The following MYL12A variants were observed in gnomAD, a reference collection of about 807,000 sequenced individuals.
MYL12A encodes the protein myosin light chain 12A.
In MYL12A, 11 loss-of-function variants were observed where a neutral mutation model predicts 13.3. The ratio of observed to expected loss-of-function variants is 0.83; its 90% CI spans 0.52 to 1.37. The LOEUF (loss-of-function observed/expected upper bound fraction) is 1.37, where lower values mean the gene tolerates loss of function less well. Ranked by LOEUF, MYL12A falls within the 40% of genes most tolerant of loss-of-function variation. The pLI is 0.00. For missense variants in MYL12A, 146 were observed against 212.3 expected, an observed-to-expected ratio of 0.69 and a Z score of 1.94; for synonymous variants, 51 against 69.9, an observed-to-expected ratio of 0.73 and a Z score of 1.35.
chr18:3,250,237 T>G (rs540275395), intron 1 of MYL12A, among the ~76,000 whole-genome samples: 1 of 152,352 alleles, frequency 6.6e-6, no homozygotes, highest in East Asian at 1.9e-4. Context: ...CAATTTCAAC[T>G]TTTTTAGATT....
chr18:3,250,984 A>T (rs143200920), intron 1 of MYL12A, among the ~76,000 whole-genome samples: 1 of 152,244 alleles, frequency 6.6e-6, no homozygotes, highest in African/African-American at 2.4e-5. Context: ...AAGATAGGAC[A>T]CATGCCTTAC....
chr18:3,250,978 T>C (rs1204244999), intron 1 of MYL12A, among the ~76,000 whole-genome samples: 1 of 152,166 alleles, frequency 6.6e-6, no homozygotes, highest in East Asian at 1.9e-4. Flanking sequence ...TCCTTGAAGA[T>C]AGGACACATG....
At chr18:3,254,341 C>A (rs2144331825) in intron 3 of MYL12A, among the ~76,000 whole-genome samples, 1 of 152,294 alleles carries the variant, frequency 6.6e-6, no homozygotes, top group East Asian at 1.9e-4. Context: ...GAATAAAAAA[C>A]TTTTACCAGA....
At chr18:3,255,621 G>A (rs2081529065) in intron 3 of MYL12A, 125 bp from the exon 4 acceptor site, 9 of 1,229,904 alleles carry the variant, frequency 7.3e-6, no homozygotes, top group Non-Finnish European at 8.8e-6. Flanking sequence ...TGGACACCCT[G>A]TAGTTCATAT....
At chr18:3,249,023 T>C (rs1414555545) in intron 1 of MYL12A, among the ~76,000 whole-genome samples, 1 of 152,268 alleles carries the variant, frequency 6.6e-6, no homozygotes, top group Non-Finnish European at 1.5e-5. Flanking sequence ...ACGCAGTGTT[T>C]TGTAAGATGG....
chr18:3,254,070 T>A lies in MYL12A; in HGVS notation c.343+20T>A, dbSNP rs972973797. On this transcript the variant is annotated intron_variant, in intron 3 of 3. Transcript: ENST00000217652. ...CAACTGGTAAGTGAGAGGTAACCTT[T>A]AATTATAAAGTGATTTAATTTTTAG... is the stretch of plus-strand genomic sequence containing the variant. The A allele has an allele frequency of 2.5e-6, 4 of 1,603,292 alleles. No individual in the cohort carries two copies. Among genetic ancestry groups the A allele is most frequent in the Admixed American group, 1.8e-5 (1 of 56,326 alleles).
rs1194305231 is a variant in MYL12A at position 3,253,505 on chromosome 18, A to G, written c.181+77A>G. 4 of 1,512,300 alleles carry G rather than the reference A, an allele frequency of 2.6e-6. No homozygotes were observed. The African/African-American group carries it at 5.5e-5, about 21-fold the overall frequency. 93.7% of individuals were successfully genotyped at this position (1,512,300 alleles called of 1,614,324 possible). A position where few individuals can be genotyped will look rare whatever the true frequency, so the allele number is the denominator to read the frequency against. On this transcript the variant is annotated intron_variant, in intron 2 of 3. Coordinates refer to ENST00000217652, the MANE Select transcript of MYL12A (RefSeq NM_006471.4). ...TTCATCTTGATTTCATGAGTCTTAA[A>G]GCTCTGTAAAGCCTGTCTAATGAGT...
chr18:3,252,733 T>A (rs6417015), intron 1 of MYL12A, among the ~76,000 whole-genome samples: 152,172 of 152,300 alleles, frequency 1, 76,022 homozygotes, highest in Middle Eastern at 1. Flanking sequence ...TTTTGCCTAG[T>A]GGTGAGGGTA....
rs758892931 is a variant in MYL12A, at chr18:3,253,316, T to C, written c.69T>C (p.Ala23=). 6.2e-7 allele frequency: 1 copy of C among 1,614,130 alleles called. No individual in the cohort carries two copies. Among genetic ancestry groups the C allele is most frequent in the Non-Finnish European group, 8.5e-7 (1 of 1,179,954 alleles). ...RPQRATSNVF[A]MFDQSQIQEF... is the part of the protein sequence containing the mutation. ...AGCGTGCAACATCCAATGTGTTTGC[T>C]ATGTTTGACCAGTCACAGATTCAGG... The change falls in exon 2 of 4, where the codon GCT becomes GCC. Residue 23 remains alanine (A), a synonymous_variant. Coordinates refer to ENST00000217652, the MANE Select transcript of MYL12A (RefSeq NM_006471.4).
intron 2 of MYL12A, 90 bp from the exon 3 acceptor site, chr18:3,253,796 AATG>A: frequency 7.5e-7 from 1 of 1,339,132 alleles, no homozygotes; most frequent in Non-Finnish European, 1.0e-6. Flanking sequence ...AAACTGTATG[AATG>A]ATAATCTTTG....
rs1365782958 is a variant in MYL12A, at chr18:3,247,862, G to C, written c.-63G>C. The stretch of plus-strand genomic sequence containing the variant: ...CTGGGTAGCAGGGTGGTGTGATAGC[G>C]GCAGCGAGGGGCTCGGAGAGGTGCT... On this transcript the variant is annotated 5_prime_UTR_variant, in exon 1 of 4. Coordinates refer to ENST00000217652, the MANE Select transcript of MYL12A (RefSeq NM_006471.4). 1.3e-5 allele frequency: 2 copies of C among 152,186 alleles called. No homozygotes were observed. Among genetic ancestry groups the C allele is most frequent in the Admixed American group, 6.5e-5 (1 of 15,280 alleles). The allele number at this position is 152,186 out of a possible 1,614,324, so 9.4% of individuals were successfully genotyped here. A position where few individuals can be genotyped will look rare whatever the true frequency, so the allele number is the denominator to read the frequency against.
chr18:3,253,851 T>C, intron 2 of MYL12A, 38 bp from the exon 3 acceptor site: 1 of 1,559,942 alleles, frequency 6.4e-7, no homozygotes. Context: ...ATATGTATTG[T>C]AATGTAATTA....
chr18:3,253,841 A>G (rs2081511434), intron 2 of MYL12A, 48 bp from the exon 3 acceptor site: 1 of 1,520,442 alleles, frequency 6.6e-7, no homozygotes, highest in Non-Finnish European at 9.0e-7. Flanking sequence ...TTAATAGTTG[A>G]TATGTATTGT....
chr18:3,256,144 A>G lies in MYL12A; in HGVS notation c.*226A>G, dbSNP rs1235138549. 50 of 575,844 alleles carry G rather than the reference A, an allele frequency of 8.7e-5. No individual in the cohort carries two copies. The highest frequency in any genetic ancestry group is 1.6e-4 in the East Asian group (5 of 32,050). The allele number at this position is 575,844 out of a possible 1,614,324, so 35.7% of individuals were successfully genotyped here. On this transcript the variant is annotated 3_prime_UTR_variant, in exon 4 of 4. Transcript: ENST00000217652. ...TTAACCTACCAGCCCTTCTCCCCCAATAACTGTGGTCTATACAGAGTCAAT... is the reference window on the plus strand; with the variant it reads ...TTAACCTACCAGCCCTTCTCCCCCAGTAACTGTGGTCTATACAGAGTCAAT...
intron 1 of MYL12A, chr18:3,252,216 A>G (rs2081492914): frequency 1.2e-6 from 1 of 847,144 alleles, no homozygotes; most frequent in Middle Eastern, 2.2e-4. Flanking sequence ...GAGTGAAATC[A>G]GTAGTGCCTA....
At chr18:3,251,361 G>A (rs1044979160) in intron 1 of MYL12A, among the ~76,000 whole-genome samples, 10 of 152,122 alleles carry the variant, frequency 6.6e-5, no homozygotes, top group Admixed American at 3.9e-4. Flanking sequence ...TGTGTCAGCC[G>A]TTTGACCTCA....
rs975842087 is a variant in MYL12A, at chr18:3,255,881, G to A, written c.479G>A (p.Arg160His). The change falls in exon 4 of 4, where the codon CGC (arginine) becomes CAC (histidine). Residue 160 changes from arginine (R) to histidine (H), a missense_variant. Physicochemically the swap from Arg to His is conservative, Grantham distance 29. Coordinates refer to ENST00000217652, the MANE Select transcript of MYL12A (RefSeq NM_006471.4). ...AATTTCAATTACATCGAGTTCACAC[G>A]CATCCTGAAACATGGAGCCAAAGAC... ...KGNFNYIEFTRILKHGAKDKD... is the reference protein window; with the variant it reads ...KGNFNYIEFTHILKHGAKDKD... The A allele has an allele frequency of 3.1e-6, 5 of 1,613,732 alleles. No homozygotes were observed. The highest frequency in any genetic ancestry group is 4.2e-6 in the Non-Finnish European group (5 of 1,179,948).
chr18:3,251,133 T>C (rs1179957493), intron 1 of MYL12A, among the ~76,000 whole-genome samples: 1 of 148,590 alleles, frequency 6.7e-6, no homozygotes, highest in African/African-American at 2.5e-5. Flanking sequence ...CCATTGTCAG[T>C]GCTGACCCAA....
intron 1 of MYL12A, among the ~76,000 whole-genome samples, chr18:3,250,546 T>C (rs2081474739): frequency 6.6e-6 from 1 of 152,226 alleles, no homozygotes. Context: ...TCCCTATCGC[T>C]GAAAGGTTTC....
Sources: allele counts gnomAD v4.1 joint callset (sites outside exome capture counted in the v4.1 genomes callset), GRCh38; gene constraint gnomAD v4.1.1; transcripts MANE v1.5; gene names NCBI Gene and HGNC (gene_info 2026-07-23, HGNC 2026-07-21).